Variants in SH3KBP1 observed in about 807,000 individuals in gnomAD.
SH3KBP1 encodes the protein SH3 domain-containing kinase-binding protein 1.
A neutral mutation model predicts 50.1 loss-of-function variants in SH3KBP1; 8 were observed. The ratio of observed to expected loss-of-function variants is 0.16; its 90% CI spans 0.09 to 0.29. SH3KBP1 has a LOEUF of 0.29. SH3KBP1 is among the 10% of genes least tolerant of loss of function. The pLI, the probability that SH3KBP1 is intolerant of heterozygous loss-of-function variation, is 1.00. For synonymous variants in SH3KBP1, 227 were observed against 218.6 expected, an observed-to-expected ratio of 1.04 and a Z score of -0.34; for missense variants, 377 against 535.2, an observed-to-expected ratio of 0.70 and a Z score of 2.92.
chrX:19,794,442 G>A (rs2066646547), intron 2 of SH3KBP1, among the ~76,000 whole-genome samples: 1 of 110,471 alleles, frequency 9.1e-6, no homozygotes, highest in African/African-American at 3.3e-5. Flanking sequence ...GGTGGCTCAC[G>A]CCTGTAATCC....
chrX:19,806,939 G>T (rs1276571723), intron 2 of SH3KBP1, among the ~76,000 whole-genome samples: 1 of 111,804 alleles, frequency 8.9e-6, no homozygotes, highest in Non-Finnish European at 1.9e-5. Flanking sequence ...ACAATCCTGG[G>T]AAGTCAGGCT....
intron 14 of SH3KBP1, among the ~76,000 whole-genome samples, chrX:19,546,294 A>G (rs2147602973): frequency 8.9e-6 from 1 of 112,116 alleles, no homozygotes; most frequent in African/African-American, 3.2e-5. Flanking sequence ...ATGTCCATCA[A>G]TCACTTCATC....
At chrX:19,578,935 T>C (rs1005789383) in intron 12 of SH3KBP1, among the ~76,000 whole-genome samples, 1 of 111,567 alleles carries the variant, frequency 9.0e-6, no homozygotes, top group African/African-American at 3.3e-5. Context: ...TCTGCTGTTA[T>C]CTGCTATGAG....
intron 12 of SH3KBP1, among the ~76,000 whole-genome samples, chrX:19,578,397 G>A (rs1372203424): frequency 1.8e-5 from 2 of 111,637 alleles, no homozygotes; most frequent in East Asian, 2.8e-4. Flanking sequence ...GCAAGTAAGC[G>A]CTCCCTTCCT....
intron 2 of SH3KBP1, among the ~76,000 whole-genome samples, chrX:19,797,111 G>T (rs191608549): frequency 8.9e-6 from 1 of 112,387 alleles, no homozygotes; most frequent in African/African-American, 3.2e-5. Flanking sequence ...CTAAAATTCT[G>T]GTGGGAGAGA....
intron 1 of SH3KBP1, among the ~76,000 whole-genome samples, chrX:19,851,693 T>C (rs1229111100): frequency 8.9e-6 from 1 of 111,764 alleles, no homozygotes; most frequent in African/African-American, 3.3e-5. Flanking sequence ...CCTGCCACCA[T>C]GCCCAGATAA....
chrX:19,767,880 C>G (rs929934470), intron 2 of SH3KBP1, among the ~76,000 whole-genome samples: 2 of 110,795 alleles, frequency 1.8e-5, no homozygotes, highest in African/African-American at 3.3e-5. Flanking sequence ...TCCCTCCCCC[C>G]ACACCAGTAG....
At chrX:19,589,383 C>T (rs772827898) in intron 11 of SH3KBP1, among the ~76,000 whole-genome samples, 6 of 111,524 alleles carry the variant, frequency 5.4e-5, no homozygotes, top group South Asian at 3.8e-4. Context: ...AGGCCTGACA[C>T]GTCTCAGGCT....
intron 2 of SH3KBP1, among the ~76,000 whole-genome samples, chrX:19,790,541 T>G (rs1188569747): frequency 3.6e-5 from 4 of 111,381 alleles, no homozygotes; most frequent in African/African-American, 1.3e-4. Flanking sequence ...AGAAACCAAG[T>G]GTTGGTTAAA....
rs148670361 is a variant in SH3KBP1 at position 19,847,165 on chromosome X, C to T, written c.5-10883G>A. On this transcript the variant is annotated intron_variant, in intron 1 of 17. Transcript: ENST00000397821. ...AGAGAGATAGCAGACAGTGAGGTAA[C>T]GTGAGAGGAAACCACAGTGAATCCT... Among the ~76,000 whole-genome samples the T allele has an allele frequency of 1.7e-3, 191 of 111,427 alleles. 2 individuals carry two copies. The highest frequency in any genetic ancestry group is 5.9e-3 in the African/African-American group (181 of 30,654).
At chrX:19,636,563 T>A (rs2148327340) in intron 7 of SH3KBP1, among the ~76,000 whole-genome samples, 1 of 111,696 alleles carries the variant, frequency 9.0e-6, no homozygotes, top group East Asian at 2.8e-4. Flanking sequence ...ATTATTTCAA[T>A]CTCTAAACTT....
At chrX:19,649,426 T>A (rs1465332550) in intron 6 of SH3KBP1, among the ~76,000 whole-genome samples, 1 of 111,422 alleles carries the variant, frequency 9.0e-6, no homozygotes, top group East Asian at 2.8e-4. Context: ...ATCTGCTTGG[T>A]CTGGGAAAGG....
Position 19,569,183 on chromosome X carries a change from T to G in SH3KBP1, c.1304A>C (p.Asp435Ala). The change falls in exon 13 of 18, where the codon GAC becomes GCC. Residue 435 changes from aspartate (D) to alanine (A), a missense_variant. Physicochemically the swap from Asp to Ala is moderately radical, Grantham distance 126. Transcript: ENST00000397821. ...GCCGGCCAAGTCAATCTTTGGACTG[T>G]CACCCCTACATTAAAAACACAAGCC... Reference protein sequence around the residue: ...PVGPLTHTRGDSPKIDLAGSS... With the variant: ...PVGPLTHTRGASPKIDLAGSS... 8.3e-7 allele frequency: 1 copy of G among 1,205,241 alleles called. No individual in the cohort carries two copies. Among genetic ancestry groups the G allele is most frequent in the Non-Finnish European group, 1.1e-6 (1 of 889,185 alleles).
chrX:19,663,712 T>C (rs1257754311), intron 6 of SH3KBP1, among the ~76,000 whole-genome samples: 1 of 111,866 alleles, frequency 8.9e-6, no homozygotes, highest in Non-Finnish European at 1.9e-5. Flanking sequence ...ACTCCCCCCA[T>C]AGGACAACGA....
At chrX:19,773,047 C>T (rs1054155300) in intron 2 of SH3KBP1, among the ~76,000 whole-genome samples, 1 of 111,406 alleles carries the variant, frequency 9.0e-6, no homozygotes, top group Admixed American at 9.5e-5. Flanking sequence ...AACAGAACCC[C>T]CATACACAGA....
In SH3KBP1 at chrX:19,851,504, A is replaced by G. The variant is rs757486048; in HGVS notation, c.5-15222T>C. 1.3e-4 allele frequency among the ~76,000 whole-genome samples: 15 copies of G among 112,350 alleles called. No individual in the cohort carries two copies. The South Asian group carries it at 2.6e-3, about 19-fold the overall frequency. The stretch of plus-strand genomic sequence containing the variant: ...CCTCTGTAGACCCAGGACCGGCCTG[A>G]TATATAGTAGGAACTTCATAAATGT... On this transcript the variant is annotated intron_variant, in intron 1 of 17. Transcript: ENST00000397821.
intron 1 of SH3KBP1, among the ~76,000 whole-genome samples, chrX:19,878,301 CTTTT>C (rs397956540): frequency 1.1e-5 from 1 of 92,878 alleles, no homozygotes. Context: ...TGATGTAGAC[CTTTT>C]TTTTTTTTTT....
At chrX:19,586,077 C>G (rs1249552115) in intron 12 of SH3KBP1, among the ~76,000 whole-genome samples, 2 of 112,057 alleles carry the variant, frequency 1.8e-5, no homozygotes, top group Admixed American at 9.4e-5. Flanking sequence ...CATCTCCCTT[C>G]ATGGCCTGGA....
intron 9 of SH3KBP1, among the ~76,000 whole-genome samples, chrX:19,599,499 C>T (rs1352795416): frequency 1.8e-5 from 2 of 112,095 alleles, no homozygotes; most frequent in African/African-American, 6.5e-5. Context: ...GGAAACCCGG[C>T]AGTTGCAGAG....
Sources: gnomAD v4.1 joint callset for allele counts (sites outside exome capture counted in the v4.1 genomes callset) on GRCh38, gnomAD v4.1.1 for gene constraint, MANE v1.5 for transcripts, NCBI Gene and HGNC (gene_info 2026-07-23, HGNC 2026-07-21) for gene names.